Variants in RAB40B observed in about 807,000 individuals in gnomAD.
The protein encoded by RAB40B is ras-related protein Rab-40B.
Under a neutral mutation model 24.0 loss-of-function variants are expected in RAB40B, and 21 were observed. That is an observed-to-expected ratio of 0.88 (90% CI 0.62 to 1.26). The LOEUF (loss-of-function observed/expected upper bound fraction) is 1.26. Ranked by LOEUF, RAB40B falls within the 50% of genes most tolerant of loss-of-function variation. RAB40B has a pLI of 0.00. For synonymous variants in RAB40B, 167 were observed against 169.8 expected (o/e 0.98, Z 0.13); for missense variants, 348 against 390.5 (o/e 0.89, Z 0.92).
At chr17:82,694,375 A>C (rs2046587659) in intron 1 of RAB40B, among the ~76,000 whole-genome samples, 2 of 151,396 alleles carry the variant, frequency 1.3e-5, no homozygotes, top group Non-Finnish European at 2.9e-5. Flanking sequence ...TAAAAATACA[A>C]AAACAAATTG....
chr17:82,661,178 A>AC, intron 2 of RAB40B, 131 bp from the exon 3 acceptor site: 1 of 1,471,596 alleles, frequency 6.8e-7, no homozygotes, highest in Non-Finnish European at 9.0e-7. Context: ...CCAGCGTGAG[A>AC]CCCCAACAAA....
chr17:82,679,962 G>T (rs1221720465), intron 1 of RAB40B, among the ~76,000 whole-genome samples: 1 of 152,234 alleles, frequency 6.6e-6, no homozygotes, highest in African/African-American at 2.4e-5. Flanking sequence ...AGCCACAGTG[G>T]CTGTGGGAGG....
chr17:82,666,091 C>G (rs537264633), intron 1 of RAB40B, among the ~76,000 whole-genome samples: 1 of 151,212 alleles, frequency 6.6e-6, no homozygotes, highest in African/African-American at 2.4e-5. Context: ...CACCTGCCAC[C>G]GCACCTGCCA....
Position 82,692,633 on chromosome 17 carries a change from C to T in RAB40B, c.142+5822G>A, listed in dbSNP as rs895336798. Among the ~76,000 whole-genome samples the T allele has an allele frequency of 6.6e-6, 1 of 152,222 alleles. No homozygotes were observed. Among genetic ancestry groups the T allele is most frequent in the Non-Finnish European group, 1.5e-5 (1 of 68,048 alleles). On this transcript the variant is annotated intron_variant, in intron 1 of 5. Coordinates refer to ENST00000571995, the MANE Select transcript of RAB40B (RefSeq NM_006822.3). The surrounding 1 kb of genome is among the most constrained non-coding windows in gnomAD (Gnocchi z 4.0). Reference sequence around the variant, plus strand: ...CCGACTGAAAAAAGTGTGTCTCGATCCCTGCCTCAGGCCTCACCCCAGCTG... The same window carrying T: ...CCGACTGAAAAAAGTGTGTCTCGATTCCTGCCTCAGGCCTCACCCCAGCTG...
chr17:82,675,953 C>T lies in RAB40B; in HGVS notation c.143-11397G>A, dbSNP rs1427455961. 6.6e-6 allele frequency among the ~76,000 whole-genome samples: 1 copy of T among 152,080 alleles called. No individual in the cohort carries two copies. The highest frequency in any genetic ancestry group is 1.5e-5 in the Non-Finnish European group (1 of 68,006). The stretch of plus-strand genomic sequence containing the variant: ...GGTGGCAACAGTGACGACCTGAAGC[C>T]CCTGGTACTCTGAGTCTCCTGGTAC... On this transcript the variant is annotated intron_variant, in intron 1 of 5. Transcript: ENST00000571995. This position sits in a 1 kb window ranked among gnomAD's most constrained non-coding sequence, Gnocchi z 4.5.
In RAB40B at chr17:82,688,672, G is replaced by A. The variant is rs574597758; in HGVS notation, c.142+9783C>T. Among the ~76,000 whole-genome samples the A allele has an allele frequency of 1.7e-4, 26 of 152,160 alleles. No individual in the cohort carries two copies. In the South Asian group the frequency reaches 5.0e-3, roughly 29 times the overall value. ...GTTTGGGCCGGGCGTGGTGGCTCAC[G>A]CCTGTAATCCCAGCACTTTGGGAGG... On this transcript the variant is annotated intron_variant, in intron 1 of 5. Coordinates refer to ENST00000571995, the MANE Select transcript of RAB40B (RefSeq NM_006822.3).
intron 1 of RAB40B, among the ~76,000 whole-genome samples, chr17:82,665,314 G>A (rs543659905): frequency 3.0e-4 from 46 of 151,022 alleles, no homozygotes; most frequent in Non-Finnish European, 5.6e-4. Context: ...GTGCAGTGGC[G>A]TGATCACAGC....
chr17:82,687,321 C>A (rs1324541025), intron 1 of RAB40B, among the ~76,000 whole-genome samples: 1 of 152,152 alleles, frequency 6.6e-6, no homozygotes, highest in Non-Finnish European at 1.5e-5. Flanking sequence ...TAACTTCTGG[C>A]CTTATGTATT....
intron 4 of RAB40B, 99 bp downstream of exon 4, chr17:82,659,481 A>G: frequency 1.6e-6 from 2 of 1,216,020 alleles, no homozygotes; most frequent in East Asian, 2.4e-5. Context: ...CCTGTGATCC[A>G]TGGGTACCCA....
In RAB40B at chr17:82,685,802, T is replaced by A. The variant is rs2046493559; in HGVS notation, c.142+12653A>T. 1.0e-4 allele frequency among the ~76,000 whole-genome samples: 12 copies of A among 117,350 alleles called. No individual in the cohort carries two copies. In the South Asian group the frequency reaches 3.3e-3, roughly 32 times the overall value. 77.0% of individuals were successfully genotyped at this position (117,350 alleles called of 152,430 possible). The stretch of plus-strand genomic sequence containing the variant: ...ATTCGGAAACAGGATCTCTTCTTCT[T>A]CTTCTTTTTTTTTTTTTTTGAGACG... On this transcript the variant is annotated intron_variant, in intron 1 of 5. Transcript: ENST00000571995.
intron 4 of RAB40B, chr17:82,658,937 G>A (rs2046124872): frequency 3.7e-6 from 2 of 538,892 alleles, no homozygotes; most frequent in Non-Finnish European, 6.6e-6. Flanking sequence ...CTTGGGAGAA[G>A]AGAAGACACA....
chr17:82,671,326 C>T (rs566139483), intron 1 of RAB40B, among the ~76,000 whole-genome samples: 461 of 150,876 alleles, frequency 3.1e-3, no homozygotes, highest in African/African-American at 0.011. Flanking sequence ...CACACTCACA[C>T]GCTCTCTGTA....
At chr17:82,673,605 T>G (rs1206949800) in intron 1 of RAB40B, among the ~76,000 whole-genome samples, 2 of 152,252 alleles carry the variant, frequency 1.3e-5, no homozygotes, top group Non-Finnish European at 2.9e-5. Flanking sequence ...AAGATGCTTT[T>G]CCCTTAAACA....
At chr17:82,660,960 C>A (rs754502118) in intron 3 of RAB40B, 27 bp downstream of exon 3, 1 of 1,610,426 alleles carries the variant, frequency 6.2e-7, no homozygotes. Context: ...TTGGTTTGAT[C>A]TCCCAGCTCG....
At chr17:82,688,758 A>G (rs2046527774) in intron 1 of RAB40B, among the ~76,000 whole-genome samples, 1 of 152,028 alleles carries the variant, frequency 6.6e-6, no homozygotes, top group Non-Finnish European at 1.5e-5. Flanking sequence ...ACATAGTGAA[A>G]CCCCGTCTTT....
intron 5 of RAB40B, 84 bp from the exon 6 acceptor site, chr17:82,658,218 C>T (rs534644328): frequency 1.2e-5 from 19 of 1,533,110 alleles, no homozygotes; most frequent in Non-Finnish European, 1.5e-5. Context: ...CCTGTTCTCC[C>T]GCCCTCCCAA....
intron 1 of RAB40B, among the ~76,000 whole-genome samples, chr17:82,691,239 T>C (rs907956761): frequency 4.6e-5 from 7 of 152,018 alleles, no homozygotes; most frequent in Non-Finnish European, 1.0e-4. Context: ...GAAAGAACAA[T>C]GGGACTTTTA....
chr17:82,693,292 C>G (rs1466936370), intron 1 of RAB40B, among the ~76,000 whole-genome samples: 1 of 151,932 alleles, frequency 6.6e-6, no homozygotes, highest in Non-Finnish European at 1.5e-5. Context: ...CAGACGTGAG[C>G]CACCAGGCCC....
intron 2 of RAB40B, chr17:82,662,691 G>C: frequency 1.0e-6 from 1 of 985,330 alleles, no homozygotes; most frequent in Non-Finnish European, 1.2e-6. Context: ...TCAGGGTCCT[G>C]CTGGGGCCTG....
Sources: allele counts gnomAD v4.1 joint callset (sites outside exome capture counted in the v4.1 genomes callset), GRCh38; gene constraint gnomAD v4.1.1; non-coding constraint Gnocchi (gnomAD v3.1); transcripts MANE v1.5; gene names NCBI Gene and HGNC (gene_info 2026-07-23, HGNC 2026-07-21).